Variants in MARVELD3 observed in about 807,000 individuals in gnomAD.
MARVELD3 encodes the protein MARVEL domain containing 3.
A neutral mutation model predicts 33.5 loss-of-function variants in MARVELD3; 28 were observed. The ratio of observed to expected loss-of-function variants is 0.84; its 90% CI spans 0.62 to 1.15. MARVELD3 has a LOEUF of 1.15. Among genes scored for constraint, MARVELD3 ranks in the 50% most tolerant of loss-of-function variants. MARVELD3 has a pLI of 0.00. For synonymous variants in MARVELD3, 241 were observed against 230.4 expected (o/e 1.05, Z -0.42); for missense variants, 582 against 547.6 (o/e 1.06, Z -0.63).
chr16:71,635,202 G>A lies in MARVELD3; in HGVS notation c.*399G>A, dbSNP rs377528253. 1.2e-5 allele frequency: 9 copies of A among 743,286 alleles called. No homozygotes were observed. Among genetic ancestry groups the A allele is most frequent in the East Asian group, 1.3e-4 (1 of 7,896 alleles). The allele number at this position is 743,286 out of a possible 1,614,324, so 46.0% of individuals were successfully genotyped here. On this transcript the variant is annotated 3_prime_UTR_variant, in exon 3 of 3. Transcript: ENST00000268485. ...AAATTAGCCAGGCGTGGTGGCGGGCGCCTGTAATCCCAGCTACTTGGGAGG... is the reference window on the plus strand; with the variant it reads ...AAATTAGCCAGGCGTGGTGGCGGGCACCTGTAATCCCAGCTACTTGGGAGG...
Position 71,635,068 on chromosome 16 carries a change from CT to C in MARVELD3, c.*266del. 1 of 1,125,438 alleles carries C rather than the reference CT, an allele frequency of 8.9e-7. No individual in the cohort carries two copies. The highest frequency in any genetic ancestry group is 1.1e-6 in the Non-Finnish European group (1 of 914,722). The allele number at this position is 1,125,438 out of a possible 1,614,324, so 69.7% of individuals were successfully genotyped here. On this transcript the variant is annotated 3_prime_UTR_variant, in exon 3 of 3. Transcript: ENST00000268485. ...AATGGCCGGCCTCGGCGGCTCACAC[CT>C]GTAACCCCAGCACTTTGGGAGGCTG...
chr16:71,629,582 C>A (rs548481608), intron 2 of MARVELD3, 88 bp downstream of exon 2: 5 of 1,331,404 alleles, frequency 3.8e-6, no homozygotes, highest in Middle Eastern at 3.8e-4. Context: ...AAAATTTAAG[C>A]AGATTCCCTT....
Position 71,626,519 on chromosome 16 carries a change from C to T in MARVELD3, c.290C>T (p.Ala97Val), listed in dbSNP as rs1207449956. 15 of 1,549,712 alleles carry T rather than the reference C, an allele frequency of 9.7e-6. No individual in the cohort carries two copies. The highest frequency in any genetic ancestry group is 1.3e-5 in the Non-Finnish European group (15 of 1,146,768). ...CCCCGCCGGGACACACACAGGGACGCGGGCCCTCGCGCAGGTGAACACGGA... is the reference window on the plus strand; with the variant it reads ...CCCCGCCGGGACACACACAGGGACGTGGGCCCTCGCGCAGGTGAACACGGA... ...RGPRRDTHRD[A>V]GPRAGEHGVW... Residue 97 changes from alanine (A) to valine (V), a missense_variant, in exon 1 of 3, where the codon GCG becomes GTG. Ala to Val is a moderately conservative substitution (Grantham distance 64). Transcript: ENST00000268485. This position sits in a 1 kb window ranked among gnomAD's most constrained non-coding sequence, Gnocchi z 5.3.
At position 71,626,715 on chromosome 16, in the gene MARVELD3, C is replaced by T; in HGVS notation, c.467+19C>T. ...CCGAAAGGTGAGAGGGGCCGGGGCG[C>T]TGCGACCTCCGCGCCGGGGACACCT... On this transcript the variant is annotated intron_variant, in intron 1 of 2. Transcript: ENST00000268485. This position sits in a 1 kb window ranked among gnomAD's most constrained non-coding sequence, Gnocchi z 5.3. 1 of 1,432,308 alleles carries T rather than the reference C, an allele frequency of 7.0e-7. No homozygotes were observed. The highest frequency in any genetic ancestry group is 9.1e-7 in the Non-Finnish European group (1 of 1,100,384). The allele number at this position is 1,432,308 out of a possible 1,614,324, so 88.7% of individuals were successfully genotyped here.
At chr16:71,628,380 C>CA (rs969158008) in intron 1 of MARVELD3, among the ~76,000 whole-genome samples, 29 of 152,068 alleles carry the variant, frequency 1.9e-4, no homozygotes, top group Non-Finnish European at 3.4e-4. Flanking sequence ...ACTAAACATA[C>CA]AAAAAAATTA....
downstream of MARVELD3, chr16:71,640,735 ACTGCACAG>A: frequency 6.2e-7 from 1 of 1,614,232 alleles, no homozygotes. Flanking sequence ...GCAGTGGGCT[ACTGCACAG>A]GCATTGGTGT....
chr16:71,639,707 A>G (rs1347113152), downstream of MARVELD3, among the ~76,000 whole-genome samples: 1 of 151,908 alleles, frequency 6.6e-6, no homozygotes, highest in Non-Finnish European at 1.5e-5. Flanking sequence ...TCAGCCTCCC[A>G]AAGTGCTGAG....
chr16:71,633,639 C>T (rs2145279911), intron 2 of MARVELD3, among the ~76,000 whole-genome samples: 1 of 152,050 alleles, frequency 6.6e-6, no homozygotes, highest in East Asian at 1.9e-4. Context: ...AAATGATCCA[C>T]CTGCCTTGGC....
rs1226826134 is a variant in MARVELD3, at chr16:71,634,581, C to T, written c.984C>T (p.Leu328=). Reference sequence around the variant, plus strand: ...CCTTGTACTTCTACTTCCACTACCTCTCTGCTGCCTATGGCTCTCCTGTGT... The same window carrying T: ...CCTTGTACTTCTACTTCCACTACCTTTCTGCTGCCTATGGCTCTCCTGTGT... ...IPALYFYFHY[L]SAAYGSPVCK... is the part of the protein sequence containing the mutation. The change falls in exon 3 of 3, where the codon CTC becomes CTT. Residue 328 remains leucine, a synonymous_variant. Coordinates refer to ENST00000268485, the MANE Select transcript of MARVELD3 (RefSeq NM_052858.6). The T allele has an allele frequency of 3.7e-6, 6 of 1,614,080 alleles. No homozygotes were observed. Among genetic ancestry groups the T allele is most frequent in the Non-Finnish European group, 5.1e-6 (6 of 1,180,054 alleles).
At chr16:71,640,857 G>T (rs755160925), downstream of MARVELD3, 14 of 1,614,090 alleles carry the variant, frequency 8.7e-6, no homozygotes, top group African/African-American at 1.6e-4. Flanking sequence ...CCAGCTGGCA[G>T]GCACCGACGG....
At chr16:71,639,725 G>A (rs149417904), downstream of MARVELD3, among the ~76,000 whole-genome samples, 653 of 152,154 alleles carry the variant, frequency 4.3e-3, 9 homozygotes, top group African/African-American at 0.015. Flanking sequence ...GAGATTACAG[G>A]CGTGAGCCAC....
chr16:71,626,190 G>T lies in MARVELD3; in HGVS notation c.-40G>T, dbSNP rs980960733. ...CTGCCCAAGAAACTTGTTGGTTGTT[G>T]CCCTCAGGTCGCTCCCGGGCGGGGA... On this transcript the variant is annotated 5_prime_UTR_variant, in exon 1 of 3. Coordinates refer to ENST00000268485, the MANE Select transcript of MARVELD3 (RefSeq NM_052858.6). This position sits in a 1 kb window ranked among gnomAD's most constrained non-coding sequence, Gnocchi z 5.3. 1.4e-6 allele frequency: 2 copies of T among 1,433,278 alleles called. No homozygotes were observed. Among genetic ancestry groups the T allele is most frequent in the Non-Finnish European group, 1.8e-6 (2 of 1,093,080 alleles). 88.8% of individuals were successfully genotyped at this position (1,433,278 alleles called of 1,614,324 possible).
intron 2 of MARVELD3, among the ~76,000 whole-genome samples, chr16:71,633,196 A>C (rs972495715): frequency 6.6e-6 from 1 of 151,782 alleles, no homozygotes; most frequent in Non-Finnish European, 1.5e-5. Context: ...GACCTTTATC[A>C]CGAGAAAATA....
intron 2 of MARVELD3, 30 bp from the exon 3 acceptor site, chr16:71,634,163 C>G (rs774294400): frequency 1.9e-5 from 30 of 1,571,410 alleles, no homozygotes; most frequent in Non-Finnish European, 2.6e-5. Context: ...AACAGCATCA[C>G]TCAAAAATGG....
intron 2 of MARVELD3, 78 bp from the exon 3 acceptor site, chr16:71,634,115 G>C (rs1478564623): frequency 1.3e-6 from 2 of 1,540,070 alleles, no homozygotes; most frequent in Admixed American, 3.9e-5. Flanking sequence ...AGCCCTGCGC[G>C]GAAGGTGGGC....
chr16:71,637,820 T>C (rs2145285936), downstream of MARVELD3: 1 of 152,382 alleles, frequency 6.6e-6, no homozygotes, highest in Middle Eastern at 3.4e-3. Flanking sequence ...GAAACATTAC[T>C]GAGTAGCGTC....
chr16:71,632,846 A>T (rs555927501), intron 2 of MARVELD3, among the ~76,000 whole-genome samples: 1 of 152,042 alleles, frequency 6.6e-6, no homozygotes, highest in African/African-American at 2.4e-5. Flanking sequence ...TCGTGACCGC[A>T]GGTGATCTGC....
chr16:71,628,541 C>CAA (rs34650574), intron 1 of MARVELD3, among the ~76,000 whole-genome samples: 34 of 122,350 alleles, frequency 2.8e-4, no homozygotes, highest in Non-Finnish European at 4.4e-4. Context: ...CATCTCAAAA[C>CAA]AAAAAAAAAA....
chr16:71,629,642 TAAA>T (rs533759724), intron 2 of MARVELD3, 148 bp downstream of exon 2: 3,054 of 322,074 alleles, frequency 9.5e-3, no homozygotes, highest in South Asian at 0.016. Context: ...CTTGTTTTCT[TAAA>T]AAAAAAAAAA....
Sources: allele counts gnomAD v4.1 joint callset (sites outside exome capture counted in the v4.1 genomes callset), GRCh38; gene constraint gnomAD v4.1.1; non-coding constraint Gnocchi (gnomAD v3.1); transcripts MANE v1.5; gene names NCBI Gene and HGNC (gene_info 2026-07-23, HGNC 2026-07-21).